Variants in PLRG1 observed in about 807,000 individuals in gnomAD.
PLRG1 encodes pleiotropic regulator 1.
In PLRG1, 28 loss-of-function variants were observed where a neutral mutation model predicts 74.9. That is an observed-to-expected ratio of 0.37 (90% CI 0.28 to 0.51). The LOEUF (loss-of-function observed/expected upper bound fraction) is 0.51. Among genes scored for constraint, PLRG1 ranks in the 20% least tolerant of loss-of-function variants. The pLI, the probability that PLRG1 is intolerant of heterozygous loss-of-function variation, is 0.91. For missense variants in PLRG1, 445 were observed against 631.9 expected, an observed-to-expected ratio of 0.70 and a Z score of 3.17; for synonymous variants, 197 against 212.4, an observed-to-expected ratio of 0.93 and a Z score of 0.63.
Position 154,536,178 on chromosome 4 carries a change from T to C in PLRG1, c.*507A>G, listed in dbSNP as rs898272585. On this transcript the variant is annotated 3_prime_UTR_variant, in exon 15 of 15. Coordinates refer to ENST00000499023, the MANE Select transcript of PLRG1 (RefSeq NM_002669.4). Reference sequence around the variant, plus strand: ...GTCTTAGAGGATAGACACATCTTACTTGTCTATTTCCTGAACAGTATCTAG... The same window carrying C: ...GTCTTAGAGGATAGACACATCTTACCTGTCTATTTCCTGAACAGTATCTAG... The C allele has an allele frequency of 6.5e-6, 1 of 153,944 alleles. No individual in the cohort carries two copies. Among genetic ancestry groups the C allele is most frequent in the Admixed American group, 6.6e-5 (1 of 15,252 alleles). 9.5% of individuals were successfully genotyped at this position (153,944 alleles called of 1,614,324 possible).
rs149414552 is a variant in PLRG1, at chr4:154,544,334, C to T, written c.594+111G>A. The T allele has an allele frequency of 3.4e-4, 237 of 689,790 alleles. 2 individuals are homozygous for T. The highest frequency in any genetic ancestry group is 2.7e-3 in the African/African-American group (153 of 56,262). 42.7% of individuals were successfully genotyped at this position (689,790 alleles called of 1,614,324 possible). A position where few individuals can be genotyped will look rare whatever the true frequency, so the allele number is the denominator to read the frequency against. On this transcript the variant is annotated intron_variant, in intron 7 of 14. Transcript: ENST00000499023. ...ACTCTTCTCAATCCACCTCAGATCG[C>T]TCTACCAGCTTTTCATATTCACTCT...
rs887433056 is a variant in PLRG1 at position 154,540,334 on chromosome 4, G to A, written c.939+260C>T. On this transcript the variant is annotated intron_variant, in intron 10 of 14. Transcript: ENST00000499023. Reference sequence around the variant, plus strand: ...AGACTACTGAATGAAAGAACTAATGGACAATAGTTGTTACAGAATGGAACG... The same window carrying A: ...AGACTACTGAATGAAAGAACTAATGAACAATAGTTGTTACAGAATGGAACG... The A allele has an allele frequency of 4.7e-5, 27 of 580,056 alleles. 1 individual carries two copies. Among genetic ancestry groups the A allele is most frequent in the African/African-American group, 4.3e-4 (23 of 53,420 alleles). The allele number at this position is 580,056 out of a possible 1,614,324, so 35.9% of individuals were successfully genotyped here.
At position 154,535,730 on chromosome 4, in the gene PLRG1, T is replaced by C. The variant is rs2111096686; in HGVS notation, c.*955A>G. On this transcript the variant is annotated 3_prime_UTR_variant, in exon 15 of 15. Transcript: ENST00000499023. The stretch of plus-strand genomic sequence containing the variant: ...AGTATTAGAAACTTTAAAACTTCTC[T>C]TTAAAATCTCCGCAAGATTGCAGCC... 6.6e-6 allele frequency: 1 copy of C among 152,194 alleles called. No individual in the cohort carries two copies. Among genetic ancestry groups the C allele is most frequent in the Non-Finnish European group, 1.5e-5 (1 of 67,986 alleles). 9.4% of individuals were successfully genotyped at this position (152,194 alleles called of 1,614,324 possible).
At position 154,545,915 on chromosome 4, in the gene PLRG1, G is replaced by C. The variant is rs371659236; in HGVS notation, c.413C>G (p.Ala138Gly). ...ACTTCCACTAGGGGCAGTACGATTT[G>C]CATCAGCCCTGGGGCAAAAGAAATA... ...VALPLQTKAD[A>G]NRTAPSGSEY... Residue 138 changes from alanine to glycine, a missense_variant, in exon 6 of 15, where the codon GCA becomes GGA. Physicochemically the swap from Ala to Gly is moderately conservative, Grantham distance 60. This residue lies in a region of PLRG1 where 206 missense variants were observed against 210.8 expected (regional missense o/e 0.98). Coordinates refer to ENST00000499023, the MANE Select transcript of PLRG1 (RefSeq NM_002669.4). 231 of 1,606,898 alleles carry C rather than the reference G, an allele frequency of 1.4e-4. No individual in the cohort carries two copies. Among genetic ancestry groups the C allele is most frequent in the Non-Finnish European group, 1.9e-4 (224 of 1,174,230 alleles).
At chr4:154,537,907 T>C in intron 13 of PLRG1, 62 bp downstream of exon 13, 1 of 954,834 alleles carries the variant, frequency 1.0e-6, no homozygotes, top group Non-Finnish European at 1.5e-6. Flanking sequence ...TACAAATGTT[T>C]ATTCATCATT....
chr4:154,550,191 C>T (rs1729737013), intron 1 of PLRG1, 109 bp downstream of exon 1: 1 of 1,040,710 alleles, frequency 9.6e-7, no homozygotes, highest in Admixed American at 1.7e-5. Flanking sequence ...TAGCTCCCCT[C>T]GTAGCCTCTT....
rs374843414 is a variant in PLRG1 at position 154,545,862 on chromosome 4, G to T, written c.466C>A (p.Arg156Ser). The T allele has an allele frequency of 6.2e-7, 1 of 1,611,068 alleles. No homozygotes were observed. Among genetic ancestry groups the T allele is most frequent in the Admixed American group, 1.7e-5 (1 of 59,850 alleles). The change falls in exon 6 of 15, where the codon CGT (arginine) becomes AGT (serine). Residue 156 changes from arginine (R) to serine (S), a missense_variant. Physicochemically the swap from Arg to Ser is moderately radical, Grantham distance 110. Coordinates refer to ENST00000499023, the MANE Select transcript of PLRG1 (RefSeq NM_002669.4). ...GAATTCATCGCTGTAGGCTGTGGAC[G>T]GTCAGAAGCCCCAGGATGTCGGTAT... is the stretch of plus-strand genomic sequence containing the variant. The part of the protein sequence containing the change: ...SEYRHPGASD[R>S]PQPTAMNSIV...
intron 12 of PLRG1, 178 bp downstream of exon 12, chr4:154,538,927 G>A: frequency 1.9e-6 from 1 of 525,732 alleles, no homozygotes; most frequent in Non-Finnish European, 3.4e-6. Flanking sequence ...ATGTTTTATA[G>A]GGCATGAAGC....
At chr4:154,550,197 C>T in intron 1 of PLRG1, 103 bp downstream of exon 1, 1 of 1,081,288 alleles carries the variant, frequency 9.2e-7, no homozygotes, top group Non-Finnish European at 1.4e-6. Flanking sequence ...CCCTCGTAGC[C>T]TCTTTTCTCT....
Position 154,536,486 on chromosome 4 carries a change from G to T in PLRG1, c.*199C>A. On this transcript the variant is annotated 3_prime_UTR_variant, in exon 15 of 15. Coordinates refer to ENST00000499023, the MANE Select transcript of PLRG1 (RefSeq NM_002669.4). ...CTGCATCTTCCTAGTATCACAAATT[G>T]TTTTAGAAATAAAAACACAGGGGTA... is the stretch of plus-strand genomic sequence containing the variant. The T allele has an allele frequency of 1.9e-6, 1 of 530,462 alleles. No individual in the cohort carries two copies. Among genetic ancestry groups the T allele is most frequent in the Admixed American group, 3.6e-5 (1 of 28,106 alleles). The allele number at this position is 530,462 out of a possible 1,614,324, so 32.9% of individuals were successfully genotyped here. A position where few individuals can be genotyped will look rare whatever the true frequency, so the allele number is the denominator to read the frequency against.
At chr4:154,542,431 G>A in intron 7 of PLRG1, 152 bp from the exon 8 acceptor site, 1 of 605,308 alleles carries the variant, frequency 1.7e-6, no homozygotes. Flanking sequence ...TATCTTCAGT[G>A]AGTTAATAGT....
intron 4 of PLRG1, chr4:154,546,460 A>G (rs573869972): frequency 7.0e-5 from 31 of 441,726 alleles, no homozygotes; most frequent in Non-Finnish European, 1.2e-4. Flanking sequence ...CAGAATAGTA[A>G]AGTTAATTTC....
intron 3 of PLRG1, chr4:154,547,489 GA>G: frequency 1.8e-6 from 1 of 571,254 alleles, no homozygotes; most frequent in African/African-American, 1.9e-5. Context: ...CACACTCTAA[GA>G]ATCTCTGCCA....
rs1245658058 is a variant in PLRG1, at chr4:154,535,497, C to A, written c.*1188G>T. ...AAAGGCTGTGACAATTATACTCCCA[C>A]CTATGGCATACAAGATGGGTAATGT... On this transcript the variant is annotated 3_prime_UTR_variant, in exon 15 of 15. Transcript: ENST00000499023. 6.7e-6 allele frequency: 1 copy of A among 150,046 alleles called. No individual in the cohort carries two copies. The highest frequency in any genetic ancestry group is 1.5e-5 in the Non-Finnish European group (1 of 67,592). 9.3% of individuals were successfully genotyped at this position (150,046 alleles called of 1,614,324 possible). A position where few individuals can be genotyped will look rare whatever the true frequency, so the allele number is the denominator to read the frequency against.
At chr4:154,545,321 T>C (rs1185862723) in intron 6 of PLRG1, among the ~76,000 whole-genome samples, 1 of 151,718 alleles carries the variant, frequency 6.6e-6, no homozygotes, top group Non-Finnish European at 1.5e-5. Flanking sequence ...TATTTTATTA[T>C]GCTGCAGATA....
intron 3 of PLRG1, 99 bp from the exon 4 acceptor site, chr4:154,547,163 T>TTA: frequency 1.1e-6 from 1 of 884,152 alleles, no homozygotes; most frequent in South Asian, 1.4e-5. Flanking sequence ...TTCAACTGGA[T>TTA]CTATCAAATT....
chr4:154,543,233 C>T (rs761214019), intron 7 of PLRG1, among the ~76,000 whole-genome samples: 5 of 152,082 alleles, frequency 3.3e-5, no homozygotes, highest in African/African-American at 4.8e-5. Flanking sequence ...CTGCAACCTC[C>T]GCCTCCTGAG....
At chr4:154,538,186 A>T (rs1473118108) in intron 12 of PLRG1, 78 bp from the exon 13 acceptor site, 3 of 716,592 alleles carry the variant, frequency 4.2e-6, no homozygotes, top group Non-Finnish European at 6.6e-6. Flanking sequence ...AGTTTATTTC[A>T]GTTATATTTT....
Position 154,550,322 on chromosome 4 carries a change from AT to A in PLRG1, c.-15del. 1 of 1,612,802 alleles carries A rather than the reference AT, an allele frequency of 6.2e-7. No individual in the cohort carries two copies. The highest frequency in any genetic ancestry group is 8.5e-7 in the Non-Finnish European group (1 of 1,178,786). On this transcript the variant is annotated 5_prime_UTR_variant, in exon 1 of 15. Coordinates refer to ENST00000499023, the MANE Select transcript of PLRG1 (RefSeq NM_002669.4). ...TACCTCGACCATGATGCTACCGTGT[AT>A]CCCACCTCCGGCAGGGAAGAAACTC...
Sources: gnomAD v4.1 joint callset for allele counts (sites outside exome capture counted in the v4.1 genomes callset) on GRCh38, gnomAD v4.1.1 for gene constraint, gnomAD v4.1.1 regional missense constraint, MANE v1.5 for transcripts, NCBI Gene and HGNC (gene_info 2026-07-23, HGNC 2026-07-21) for gene names.